VAV3: variants seen among roughly 807,000 people sequenced by gnomAD.
VAV3 encodes the protein guanine nucleotide exchange factor VAV3.
VAV3 carries 94 observed loss-of-function variants against 131.2 expected under a neutral mutation model. The ratio of observed to expected loss-of-function variants is 0.72; its 90% confidence interval spans 0.61 to 0.85. The LOEUF is 0.85. VAV3 is among the 40% of genes least tolerant of loss of function. The pLI is 0.00. For missense variants in VAV3, 939 were observed against 1,002.7 expected (o/e 0.94, Z 0.86); for synonymous variants, 349 against 342.0 (o/e 1.02, Z -0.22).
intron 19 of VAV3, among the ~76,000 whole-genome samples, chr1:107,674,327 T>G (rs2101691373): frequency 6.6e-6 from 1 of 152,336 alleles, no homozygotes; most frequent in African/African-American, 2.4e-5. Context: ...CTGCCTTATC[T>G]TCTGGTAGGG....
chr1:107,682,233 C>T (rs1200967771), intron 19 of VAV3, among the ~76,000 whole-genome samples: 2 of 151,598 alleles, frequency 1.3e-5, no homozygotes, highest in South Asian at 2.1e-4. Flanking sequence ...TATTGACATA[C>T]TACAAATACA....
In VAV3 at chr1:107,572,004, A is replaced by G. The variant is rs1649295173; in HGVS notation, c.*1327T>C. 1 of 152,388 alleles carries G rather than the reference A, an allele frequency of 6.6e-6. No homozygotes were observed. Among genetic ancestry groups the G allele is most frequent in the East Asian group, 1.9e-4 (1 of 5,182 alleles). 9.4% of individuals were successfully genotyped at this position (152,388 alleles called of 1,614,324 possible). On this transcript the variant is annotated 3_prime_UTR_variant, in exon 27 of 27. Coordinates refer to ENST00000370056, the MANE Select transcript of VAV3 (RefSeq NM_006113.5). ...TTTTTTCCCAACATGTAACTCTCTC[A>G]GTCTTGTCAGAACACAACTTCTGCT...
chr1:107,643,023 C>T (rs1460804844), intron 19 of VAV3, among the ~76,000 whole-genome samples: 1 of 152,116 alleles, frequency 6.6e-6, no homozygotes, highest in African/African-American at 2.4e-5. Flanking sequence ...AAAAATATTT[C>T]TCCTTCAGCT....
At chr1:107,649,976 T>C (rs1019703508) in intron 19 of VAV3, among the ~76,000 whole-genome samples, 1 of 151,866 alleles carries the variant, frequency 6.6e-6, no homozygotes, top group Non-Finnish European at 1.5e-5. Context: ...GATTAGAGAG[T>C]GACAGGGGTG....
intron 19 of VAV3, among the ~76,000 whole-genome samples, chr1:107,645,396 G>C (rs1423470675): frequency 6.6e-6 from 1 of 151,488 alleles, no homozygotes; most frequent in Non-Finnish European, 1.5e-5. Flanking sequence ...TCCAATTTCA[G>C]CATGATCTGT....
intron 2 of VAV3, among the ~76,000 whole-genome samples, chr1:107,831,722 C>G (rs181199587): frequency 3.1e-4 from 47 of 152,304 alleles, no homozygotes; most frequent in Non-Finnish European, 2.1e-4. Flanking sequence ...TGTTTTAAAC[C>G]TCTATTTTTG....
chr1:107,805,363 T>A (rs533528550), intron 2 of VAV3, among the ~76,000 whole-genome samples: 1 of 152,166 alleles, frequency 6.6e-6, no homozygotes, highest in Non-Finnish European at 1.5e-5. Context: ...TTCTTTCTTT[T>A]TTCTCCTCTG....
chr1:107,769,126 TTTCA>T (rs1664898919), intron 6 of VAV3, among the ~76,000 whole-genome samples: 1 of 152,180 alleles, frequency 6.6e-6, no homozygotes, highest in Non-Finnish European at 1.5e-5. Flanking sequence ...ATAGCACTAA[TTTCA>T]AGGAATTGGG....
intron 2 of VAV3, among the ~76,000 whole-genome samples, chr1:107,860,123 G>A (rs1420942960): frequency 6.6e-6 from 1 of 152,010 alleles, no homozygotes; most frequent in Non-Finnish European, 1.5e-5. Context: ...ATGGTCAAAT[G>A]TTAGTTTTTG....
chr1:107,730,808 A>T (rs1388586033), intron 15 of VAV3, among the ~76,000 whole-genome samples: 2 of 152,214 alleles, frequency 1.3e-5, no homozygotes, highest in Non-Finnish European at 2.9e-5. Flanking sequence ...TTATAAAACA[A>T]ACTGAAAAGG....
chr1:107,933,172 T>C (rs1673530349), intron 1 of VAV3, among the ~76,000 whole-genome samples: 1 of 152,206 alleles, frequency 6.6e-6, no homozygotes, highest in South Asian at 2.1e-4. Flanking sequence ...ATATTTTCTT[T>C]CTAAATTATT....
At chr1:107,953,895 T>C (rs1223273425) in intron 1 of VAV3, among the ~76,000 whole-genome samples, 1 of 152,228 alleles carries the variant, frequency 6.6e-6, no homozygotes, top group African/African-American at 2.4e-5. Flanking sequence ...GTGAGTAGCA[T>C]GTGCTGCTGG....
At chr1:107,882,499 C>T (rs1670830620) in intron 1 of VAV3, among the ~76,000 whole-genome samples, 1 of 152,106 alleles carries the variant, frequency 6.6e-6, no homozygotes, top group South Asian at 2.1e-4. Context: ...CATCATAACT[C>T]CTCCTCTATA....
intron 15 of VAV3, among the ~76,000 whole-genome samples, chr1:107,723,320 T>C (rs1455808991): frequency 2.6e-5 from 4 of 152,102 alleles, no homozygotes; most frequent in African/African-American, 7.2e-5. Context: ...GCTTATGCTG[T>C]GTTGCTGCCC....
At chr1:107,650,847 G>A (rs1302457871) in intron 19 of VAV3, among the ~76,000 whole-genome samples, 1 of 151,736 alleles carries the variant, frequency 6.6e-6, no homozygotes, top group African/African-American at 2.4e-5. Context: ...TACTGAGAAT[G>A]ATGATTTCCA....
chr1:107,719,903 T>G (rs1217276336), intron 15 of VAV3, among the ~76,000 whole-genome samples: 1 of 152,180 alleles, frequency 6.6e-6, no homozygotes, highest in Admixed American at 6.5e-5. Context: ...GTTCATGTCC[T>G]TTGTAGCAAC....
rs1381315128 is a variant in VAV3, at chr1:107,965,094, G to T, written c.-225C>A. The T allele has an allele frequency of 6.4e-6, 1 of 156,634 alleles. No individual in the cohort carries two copies. Among genetic ancestry groups the T allele is most frequent in the Non-Finnish European group, 1.3e-5 (1 of 74,298 alleles). The allele number at this position is 156,634 out of a possible 1,614,324, so 9.7% of individuals were successfully genotyped here. On this transcript the variant is annotated 5_prime_UTR_variant, in exon 1 of 27. Transcript: ENST00000370056. ...GCCGCGACCCGGCCGCCGCTGCAGC[G>T]AGTCCCGCGCGCTCTCCGTGCGCCC...
At chr1:107,638,911 T>TAGATACACACACATATAA (rs906061360) in intron 20 of VAV3, among the ~76,000 whole-genome samples, 1 of 151,816 alleles carries the variant, frequency 6.6e-6, no homozygotes, top group Non-Finnish European at 1.5e-5. Context: ...CACACACATA[T>TAGATACACACACATATAA]AGATACACAC....
intron 17 of VAV3, among the ~76,000 whole-genome samples, chr1:107,698,780 T>TA: frequency 6.6e-6 from 1 of 152,078 alleles, no homozygotes. Context: ...TCAGGAAACT[T>TA]ACAATCATGG....
Sources: allele counts gnomAD v4.1 joint callset (sites outside exome capture counted in the v4.1 genomes callset), GRCh38; gene constraint gnomAD v4.1.1; transcripts MANE v1.5; gene names NCBI Gene and HGNC (gene_info 2026-07-23, HGNC 2026-07-21).